The following VRK3 variants were observed in gnomAD, a reference collection of about 807,000 sequenced individuals.
VRK3 encodes VRK serine/threonine kinase 3, also known as serine/threonine-protein kinase VRK3.
In VRK3, 50 loss-of-function variants were observed where a neutral mutation model predicts 60.4. The ratio of observed to expected loss-of-function variants is 0.83; its 90% confidence interval spans 0.66 to 1.05. VRK3 has a LOEUF of 1.05. VRK3 is among the 50% of genes least tolerant of loss of function. The pLI is 0.00. For synonymous variants in VRK3, 246 were observed against 227.8 expected (o/e 1.08, Z -0.72); for missense variants, 549 against 585.3 (o/e 0.94, Z 0.64).
At position 50,023,748 on chromosome 19, in the gene VRK3, T is replaced by TC. The variant is rs1568825386; in HGVS notation, c.-65+1518dup. Among the ~76,000 whole-genome samples the TC allele has an allele frequency of 3.4e-5, 5 of 146,812 alleles. No individual in the cohort carries two copies. The East Asian group carries it at 1.0e-3, about 31-fold the overall frequency. ...GTGCCAAGAAGGTGGGTGGGGGGGG[T>TC]CCCCAGCTGTGTCAGTACACATTCA... On this transcript the variant is annotated intron_variant, in intron 1 of 14. Coordinates refer to ENST00000316763, the MANE Select transcript of VRK3 (RefSeq NM_016440.4).
At chr19:49,987,700 CTTT>C (rs74182083) in intron 12 of VRK3, 7 of 112,862 alleles carry the variant, frequency 6.2e-5, no homozygotes, top group African/African-American at 1.1e-4. Flanking sequence ...ACACAATGAG[CTTT>C]TTTTTTTTTT....
At chr19:49,986,649 G>A (rs370841101) in intron 12 of VRK3, 1 of 152,260 alleles carries the variant, frequency 6.6e-6, no homozygotes, top group Non-Finnish European at 1.5e-5. Flanking sequence ...AACGAGAAAG[G>A]CTTCATGTGA....
At chr19:49,980,184 A>C (rs771138892) in intron 13 of VRK3, among the ~76,000 whole-genome samples, 11 of 152,172 alleles carry the variant, frequency 7.2e-5, no homozygotes, top group Non-Finnish European at 1.3e-4. Context: ...AAAGCTCTTC[A>C]GGAGGGGCAC....
chr19:49,980,524 T>C (rs1215170614), intron 13 of VRK3, among the ~76,000 whole-genome samples: 1 of 152,100 alleles, frequency 6.6e-6, no homozygotes, highest in Non-Finnish European at 1.5e-5. Flanking sequence ...GAGACCAGCC[T>C]GGGCAACATG....
chr19:49,992,549 A>G (rs2076629132), intron 10 of VRK3, among the ~76,000 whole-genome samples: 2 of 152,218 alleles, frequency 1.3e-5, no homozygotes, highest in Non-Finnish European at 2.9e-5. Context: ...TATTATTATC[A>G]TGCTTAATTT....
At chr19:49,987,309 C>T (rs974231502) in intron 12 of VRK3, among the ~76,000 whole-genome samples, 1 of 152,180 alleles carries the variant, frequency 6.6e-6, no homozygotes, top group East Asian at 1.9e-4. Context: ...GAACCCACAT[C>T]CCTAGCACTT....
At chr19:50,025,221 C>CT (rs2077249852) in intron 1 of VRK3, 46 bp downstream of exon 1, 1 of 152,306 alleles carries the variant, frequency 6.6e-6, no homozygotes, top group Admixed American at 6.5e-5. Context: ...CGAGCTGCGG[C>CT]TAGGGGGTCG....
intron 12 of VRK3, among the ~76,000 whole-genome samples, chr19:49,985,355 G>A (rs79633979): frequency 0.049 from 7,457 of 152,252 alleles, 223 homozygotes; most frequent in Middle Eastern, 0.11. Flanking sequence ...AGGTCCTGAG[G>A]CTGGCTTCCC....
chr19:49,979,269 G>A, intron 13 of VRK3, 27 bp from the exon 14 acceptor site: 1 of 1,613,912 alleles, frequency 6.2e-7, no homozygotes, highest in East Asian at 2.2e-5. Context: ...CCCCAGCAAG[G>A]GAGAGCCTGA....
intron 5 of VRK3, among the ~76,000 whole-genome samples, chr19:50,002,481 CAGGCAT>C (rs1167253735): frequency 6.6e-6 from 1 of 152,124 alleles, no homozygotes. Context: ...CTCTGGAACC[CAGGCAT>C]AGTAACAGTG....
At position 49,981,025 on chromosome 19, in the gene VRK3, G is replaced by A. The variant is rs202222202; in HGVS notation, c.1218-12C>T. 1 of 1,611,652 alleles carries A rather than the reference G, an allele frequency of 6.2e-7. No homozygotes were observed. Among genetic ancestry groups the A allele is most frequent in the African/African-American group, 1.3e-5 (1 of 74,984 alleles). ...GCTTATCAACAAACCTGAAGGGACA[G>A]AAACACATGTGAAAGGTCTCTTAGG... On this transcript the variant is annotated splice_polypyrimidine_tract_variant and intron_variant, in intron 12 of 14. Transcript: ENST00000316763.
Position 49,994,867 on chromosome 19 carries a change from T to A in VRK3, c.817A>T (p.Ser273Cys). ...CTCTCTGACAGCACATGCTTTGGGC[T>A]GACATCCAGGGCCGACTGAAGGCTC... is the stretch of plus-strand genomic sequence containing the variant. ...GRSLQSALDV[S>C]PKHVLSERSV... Residue 273 changes from serine to cysteine, a missense_variant, in exon 9 of 15, where the codon AGC becomes TGC. Physicochemically the swap from Ser to Cys is moderately radical, Grantham distance 112 (BLOSUM62 -1). Coordinates refer to ENST00000316763, the MANE Select transcript of VRK3 (RefSeq NM_016440.4). 1 of 1,614,150 alleles carries A rather than the reference T, an allele frequency of 6.2e-7. No individual in the cohort carries two copies. Among genetic ancestry groups the A allele is most frequent in the Non-Finnish European group, 8.5e-7 (1 of 1,180,024 alleles).
chr19:50,000,930 A>C, intron 5 of VRK3, 76 bp from the exon 6 acceptor site: 2 of 1,421,950 alleles, frequency 1.4e-6, no homozygotes, highest in South Asian at 2.6e-5. Context: ...ACTTCCCAGC[A>C]ATGAGAAGCG....
rs937491646 is a variant in VRK3 at position 49,991,518 on chromosome 19, T to TACACACACAC, written c.963+1332_963+1341dup. On this transcript the variant is annotated intron_variant, in intron 10 of 14. Transcript: ENST00000316763. ...AAGCCAATTCCTTATAATAAATCTCTACACACACACACACACGCACACACA... is the reference window on the plus strand; with the variant it reads ...AAGCCAATTCCTTATAATAAATCTCTACACACACACACACACACACACACACGCACACACA... Among the ~76,000 whole-genome samples, 301 of 150,824 alleles carry TACACACACAC rather than the reference T, an allele frequency of 2.0e-3. 1 individual carries two copies. The highest frequency in any genetic ancestry group is 7.0e-3 in the African/African-American group (288 of 40,888).
chr19:50,007,618 C>T lies in VRK3; in HGVS notation c.498G>A (p.Trp166Ter). Residue 166 changes from tryptophan to a stop codon, truncating the protein, a stop_gained, in exon 5 of 15, where the codon TGG becomes TGA. Transcript: ENST00000316763. LOFTEE classifies it high-confidence loss of function. ...CCCTGGTCTGGAAGGACTTCAGCTT[C>T]CACTGTCGCCCACTCTTGTCTGTCA... is the stretch of plus-strand genomic sequence containing the variant. ...TVLTDKSGRQ[W>*]KLKSFQTRDN... 1 of 1,614,216 alleles carries T rather than the reference C, an allele frequency of 6.2e-7. No homozygotes were observed. The highest frequency in any genetic ancestry group is 8.5e-7 in the Non-Finnish European group (1 of 1,180,050).
Position 49,979,262 on chromosome 19 carries a change from C to CA in VRK3, c.1277-21dup, listed in dbSNP as rs773754389. 25 of 1,614,016 alleles carry CA rather than the reference C, an allele frequency of 1.5e-5. No homozygotes were observed. The South Asian group carries it at 2.7e-4, about 18-fold the overall frequency. On this transcript the variant is annotated intron_variant, in intron 13 of 14. Transcript: ENST00000316763. ...GGGTCTCTGTGGTCAAGACAACCCCCAGCAAGGGAGAGCCTGAGAGGCATC... is the reference window on the plus strand; with the variant it reads ...GGGTCTCTGTGGTCAAGACAACCCCCAAGCAAGGGAGAGCCTGAGAGGCATC...
rs574245365 is a variant in VRK3 at position 50,015,153 on chromosome 19, T to A, written c.139+871A>T. ...GGCAGGCGGCAGGAACACCAGGAGC[T>A]CAGGTGAAGGCATGTTCAGACTAAG... On this transcript the variant is annotated intron_variant, in intron 3 of 14. Transcript: ENST00000316763. Among the ~76,000 whole-genome samples the A allele has an allele frequency of 2.6e-5, 4 of 151,988 alleles. No homozygotes were observed. In the South Asian group the frequency reaches 8.3e-4, roughly 32 times the overall value.
chr19:50,012,254 G>T (rs569507693), intron 3 of VRK3, among the ~76,000 whole-genome samples: 3 of 152,272 alleles, frequency 2.0e-5, no homozygotes, highest in Non-Finnish European at 2.9e-5. Flanking sequence ...TTACATGCGT[G>T]AGCCACTGTG....
At position 49,980,988 on chromosome 19, in the gene VRK3, C is replaced by G. The variant is rs746231016; in HGVS notation, c.1243G>C (p.Val415Leu). ...QKFVDKPGPF[V>L]GPCGHWIRPS... ...CTGATCCAGTGACCGCAGGGTCCCA[C>G]GAAGGGCCCCGGCTTATCAACAAAC... The change falls in exon 13 of 15, where the codon GTG (valine) becomes CTG (leucine). Residue 415 changes from valine (V) to leucine (L), a missense_variant. Val to Leu is a conservative substitution (Grantham distance 32). Coordinates refer to ENST00000316763, the MANE Select transcript of VRK3 (RefSeq NM_016440.4). 1.9e-6 allele frequency: 3 copies of G among 1,612,308 alleles called. No individual in the cohort carries two copies. In the Admixed American group the frequency reaches 5.0e-5, roughly 27 times the overall value.
Sources: allele counts gnomAD v4.1 joint callset (sites outside exome capture counted in the v4.1 genomes callset), GRCh38; gene constraint gnomAD v4.1.1; transcripts MANE v1.5; gene names NCBI Gene and HGNC (gene_info 2026-07-23, HGNC 2026-07-21).